The following PLEKHA8 variants were observed in gnomAD, a reference collection of about 807,000 sequenced individuals.
The protein encoded by PLEKHA8 is pleckstrin homology domain containing A8.
PLEKHA8 carries 36 observed loss-of-function variants against 68.2 expected under a neutral mutation model. The ratio of observed to expected loss-of-function variants is 0.53; its 90% confidence interval spans 0.40 to 0.70. The LOEUF (loss-of-function observed/expected upper bound fraction) is 0.70, where lower values mean the gene tolerates loss of function less well. PLEKHA8 is among the 30% of genes least tolerant of loss of function. The pLI, the probability that PLEKHA8 is intolerant of heterozygous loss-of-function variation, is 0.00. For synonymous variants in PLEKHA8, 211 were observed against 216.1 expected (o/e 0.98, Z 0.20); for missense variants, 505 against 615.4 (o/e 0.82, Z 1.90).
At chr7:30,128,698 A>G (rs1796824179) in intron 13 of PLEKHA8, among the ~76,000 whole-genome samples, 1 of 152,190 alleles carries the variant, frequency 6.6e-6, no homozygotes, top group South Asian at 2.1e-4. Flanking sequence ...GCTATAAAAG[A>G]ATACCTGAGG....
chr7:30,095,272 C>T (rs1340470353), downstream of PLEKHA8, among the ~76,000 whole-genome samples: 1 of 152,170 alleles, frequency 6.6e-6, no homozygotes, highest in Non-Finnish European at 1.5e-5. Flanking sequence ...TCTCTGATGG[C>T]CAGTGATGAT....
downstream of PLEKHA8, among the ~76,000 whole-genome samples, chr7:30,094,834 G>A (rs1049263373): frequency 2.0e-5 from 3 of 151,968 alleles, no homozygotes; most frequent in African/African-American, 4.8e-5. Flanking sequence ...CTTCATCCAC[G>A]TCCCTACAAA....
chr7:30,108,830 G>A (rs1464168448), intron 13 of PLEKHA8, among the ~76,000 whole-genome samples: 4 of 152,182 alleles, frequency 2.6e-5, no homozygotes, highest in Non-Finnish European at 5.9e-5. Flanking sequence ...AGGGTCTGTG[G>A]CTTTCCACAG....
intron 13 of PLEKHA8, chr7:30,118,293 C>G (rs923499429): frequency 3.0e-5 from 11 of 363,986 alleles, no homozygotes; most frequent in Non-Finnish European, 5.4e-5. Flanking sequence ...AGAATGAGGT[C>G]TCAAAAGAGA....
intron 12 of PLEKHA8, among the ~76,000 whole-genome samples, chr7:30,065,730 G>A (rs1377819933): frequency 1.3e-5 from 2 of 152,324 alleles, no homozygotes; most frequent in South Asian, 2.1e-4. Flanking sequence ...AGAGCACCCA[G>A]TGTAACTACT....
downstream of PLEKHA8, among the ~76,000 whole-genome samples, chr7:30,092,407 T>G (rs947447181): frequency 2.0e-5 from 3 of 152,082 alleles, no homozygotes; most frequent in East Asian, 1.9e-4. Flanking sequence ...CACTTTGCAC[T>G]GTGTGTCACG....
chr7:30,052,805 G>A lies in PLEKHA8; in HGVS notation c.735G>A (p.Leu245=), dbSNP rs746646869. ...TGAAAAATAAGAATTCCTTATATTTGAAATCTGCAGAGATAGACTGCAGCA... is the reference window on the plus strand; with the variant it reads ...TGAAAAATAAGAATTCCTTATATTTAAAATCTGCAGAGATAGACTGCAGCA... The part of the protein sequence containing the change: ...ILMKNKNSLY[L]KSAEIDCSIS... The change falls in exon 7 of 14, where the codon TTG becomes TTA. Residue 245 remains leucine (L), a synonymous_variant. Coordinates refer to ENST00000449726, the MANE Select transcript of PLEKHA8 (RefSeq NM_001197026.2). 1 of 1,569,698 alleles carries A rather than the reference G, an allele frequency of 6.4e-7. No homozygotes were observed. Among genetic ancestry groups the A allele is most frequent in the Admixed American group, 2.2e-5 (1 of 46,206 alleles).
chr7:30,062,615 A>C, intron 11 of PLEKHA8, 57 bp from the exon 12 acceptor site: 22 of 1,267,952 alleles, frequency 1.7e-5, no homozygotes, highest in Non-Finnish European at 2.5e-5. Flanking sequence ...ATTTCTTTAT[A>C]CCCACTCAAC....
At chr7:30,112,240 C>T (rs1357000193) in intron 13 of PLEKHA8, among the ~76,000 whole-genome samples, 2 of 152,128 alleles carry the variant, frequency 1.3e-5, no homozygotes, top group African/African-American at 4.8e-5. Context: ...AGCAAATTCA[C>T]AGTCAGTATG....
At chr7:30,106,153 G>C (rs1471605453) in intron 13 of PLEKHA8, among the ~76,000 whole-genome samples, 2 of 151,842 alleles carry the variant, frequency 1.3e-5, no homozygotes, top group East Asian at 3.9e-4. Context: ...CTGCCTCCCA[G>C]GTTTAAGAGA....
chr7:30,081,818 CT>C lies in PLEKHA8; in HGVS notation c.*3035del. On this transcript the variant is annotated 3_prime_UTR_variant, in exon 14 of 14. Transcript: ENST00000449726. ...TCCACACAATTTCATCGTGCCTGTA[CT>C]TTTCTCTATGGTAAAAGCCAGTGTT... 1 of 985,384 alleles carries C rather than the reference CT, an allele frequency of 1.0e-6. No individual in the cohort carries two copies. Among genetic ancestry groups the C allele is most frequent in the Non-Finnish European group, 1.2e-6 (1 of 829,894 alleles). The allele number at this position is 985,384 out of a possible 1,614,324, so 61.0% of individuals were successfully genotyped here.
At chr7:30,034,010 C>CTTTTGTTT (rs1790859175) in intron 1 of PLEKHA8, among the ~76,000 whole-genome samples, 6 of 34,632 alleles carry the variant, frequency 1.7e-4, no homozygotes, top group African/African-American at 7.6e-4. Flanking sequence ...TAAGAGGTTT[C>CTTTTGTTT]TTTTTTTTTT....
chr7:30,082,477 C>A lies in PLEKHA8; in HGVS notation c.*3690C>A. 1.0e-6 allele frequency: 1 copy of A among 985,340 alleles called. No homozygotes were observed. The highest frequency in any genetic ancestry group is 1.2e-6 in the Non-Finnish European group (1 of 829,940). The allele number at this position is 985,340 out of a possible 1,614,324, so 61.0% of individuals were successfully genotyped here. On this transcript the variant is annotated 3_prime_UTR_variant, in exon 14 of 14. Transcript: ENST00000449726. ...CTGCAAGAGCTTCTTAAGAAGGAGC[C>A]CATATTCCCATTTGTAGCTGGAAAG...
chr7:30,123,848 G>A (rs1796731946), intron 13 of PLEKHA8, among the ~76,000 whole-genome samples: 1 of 152,172 alleles, frequency 6.6e-6, no homozygotes, highest in African/African-American at 2.4e-5. Context: ...TCAGTTACCT[G>A]ACCCAGTGCA....
At chr7:30,087,352 A>G (rs1795223907), downstream of PLEKHA8, among the ~76,000 whole-genome samples, 1 of 152,020 alleles carries the variant, frequency 6.6e-6, no homozygotes. Flanking sequence ...ATAACCCTTC[A>G]ATTATACTTC....
rs142450780 is a variant in PLEKHA8, at chr7:30,046,126, A to G, written c.158-84A>G. 4.3e-4 allele frequency: 567 copies of G among 1,325,848 alleles called. No individual in the cohort carries two copies. In the African/African-American group the frequency reaches 7.2e-3, roughly 17 times the overall value. The allele number at this position is 1,325,848 out of a possible 1,614,324, so 82.1% of individuals were successfully genotyped here. A position where few individuals can be genotyped will look rare whatever the true frequency, so the allele number is the denominator to read the frequency against. On this transcript the variant is annotated intron_variant, in intron 2 of 13. Coordinates refer to ENST00000449726, the MANE Select transcript of PLEKHA8 (RefSeq NM_001197026.2). ...AAGAAGCCTTCAATGACTGCCATCA[A>G]TTAAGCTCAAGAAGTTGGGTGGGTT...
At chr7:30,052,610 A>C in intron 6 of PLEKHA8, 99 bp from the exon 7 acceptor site, 1 of 1,053,128 alleles carries the variant, frequency 9.5e-7, no homozygotes, top group Non-Finnish European at 1.3e-6. Context: ...ACTGTACTGC[A>C]GCCTGGGTGA....
At chr7:30,046,150 T>C in intron 2 of PLEKHA8, 60 bp from the exon 3 acceptor site, 1 of 1,443,946 alleles carries the variant, frequency 6.9e-7, no homozygotes, top group South Asian at 1.6e-5. Flanking sequence ...GTTGGGTGGG[T>C]TGGAGGCTAC....
In PLEKHA8 at chr7:30,064,183, ATAT is replaced by A. The variant is rs370720147; in HGVS notation, c.1300+1446_1300+1448del. On this transcript the variant is annotated intron_variant, in intron 12 of 13. Transcript: ENST00000449726. ...GTTCATCTATAAAATGGGAATGGTGATATTATTTCCCTAACAAGGTGGTTGTAA... is the reference window on the plus strand; with the variant it reads ...GTTCATCTATAAAATGGGAATGGTGATATTTCCCTAACAAGGTGGTTGTAA... 2.3e-3 allele frequency among the ~76,000 whole-genome samples: 357 copies of A among 152,352 alleles called. 1 individual carries two copies. Among genetic ancestry groups the A allele is most frequent in the African/African-American group, 8.0e-3 (334 of 41,578 alleles).
Sources: allele counts gnomAD v4.1 joint callset (sites outside exome capture counted in the v4.1 genomes callset), GRCh38; gene constraint gnomAD v4.1.1; transcripts MANE v1.5; gene names NCBI Gene and HGNC (gene_info 2026-07-23, HGNC 2026-07-21).